Variants in CALCR observed in about 807,000 individuals in gnomAD.
The protein encoded by CALCR is calcitonin receptor.
Under a neutral mutation model 59.5 loss-of-function variants are expected in CALCR, and 47 were observed. The ratio of observed to expected loss-of-function variants is 0.79; its 90% CI spans 0.63 to 1.01. The LOEUF (loss-of-function observed/expected upper bound fraction) is 1.01, where lower values mean the gene tolerates loss of function less well. Among genes scored for constraint, CALCR ranks in the 50% least tolerant of loss-of-function variants. CALCR has a pLI of 0.00. For missense variants in CALCR, 566 were observed against 597.1 expected (o/e 0.95, Z 0.54); for synonymous variants, 213 against 211.3 (o/e 1.01, Z -0.07).
In CALCR at chr7:93,483,462, CAGAT is replaced by C. The variant is rs974831305; in HGVS notation, c.51+3465_51+3468del. On this transcript the variant is annotated intron_variant, in intron 3 of 13. Coordinates refer to ENST00000426151, the MANE Select transcript of CALCR (RefSeq NM_001742.4). ...ATAGATAGATAGATAGATAGACAGA[CAGAT>C]AGATAGATATAAACATATAAATATA... 5.2e-4 allele frequency among the ~76,000 whole-genome samples: 72 copies of C among 138,964 alleles called. 1 individual carries two copies. In the East Asian group the frequency reaches 6.1e-3, roughly 12 times the overall value. 91.2% of individuals were successfully genotyped at this position (138,964 alleles called of 152,430 possible).
chr7:93,493,213 C>CT (rs1186853992), intron 2 of CALCR, among the ~76,000 whole-genome samples: 2 of 151,288 alleles, frequency 1.3e-5, no homozygotes, highest in Admixed American at 6.6e-5. Flanking sequence ...ATGATGGTGG[C>CT]TTGTGATCTA....
chr7:93,477,277 C>T (rs1387546416), intron 5 of CALCR, among the ~76,000 whole-genome samples: 1 of 151,710 alleles, frequency 6.6e-6, no homozygotes, highest in Non-Finnish European at 1.5e-5. Context: ...TTTTAAAACT[C>T]ACATTTAAAT....
At chr7:93,494,058 G>C (rs1562995871) in intron 2 of CALCR, among the ~76,000 whole-genome samples, 1 of 151,350 alleles carries the variant, frequency 6.6e-6, no homozygotes, top group African/African-American at 2.4e-5. Flanking sequence ...AGAGAAGAAG[G>C]ATATGTAGAA....
chr7:93,507,634 G>A (rs185615041), intron 2 of CALCR, among the ~76,000 whole-genome samples: 31 of 151,224 alleles, frequency 2.0e-4, no homozygotes, highest in African/African-American at 7.3e-4. Flanking sequence ...AAGGTCAGGC[G>A]CAGTGTCTCA....
intron 2 of CALCR, among the ~76,000 whole-genome samples, chr7:93,490,726 A>G (rs1801055383): frequency 6.6e-6 from 1 of 152,022 alleles, no homozygotes; most frequent in Non-Finnish European, 1.5e-5. Context: ...TTCAAGGAGA[A>G]CTACAAATCA....
intron 8 of CALCR, among the ~76,000 whole-genome samples, chr7:93,445,041 T>G (rs1799982981): frequency 6.6e-6 from 1 of 152,036 alleles, no homozygotes; most frequent in South Asian, 2.1e-4. Flanking sequence ...TTATTGAACA[T>G]AGGGAAAAGC....
At chr7:93,560,569 A>G (rs1454705586) in intron 2 of CALCR, among the ~76,000 whole-genome samples, 1 of 152,002 alleles carries the variant, frequency 6.6e-6, no homozygotes, top group African/African-American at 2.4e-5. Flanking sequence ...AATTTATACT[A>G]TTTGTTCTAA....
chr7:93,546,942 T>C (rs1227401476), intron 2 of CALCR, among the ~76,000 whole-genome samples: 7 of 152,136 alleles, frequency 4.6e-5, no homozygotes, highest in Non-Finnish European at 1.5e-5. Context: ...GATAAACTGC[T>C]GTGTATGCCT....
At position 93,467,943 on chromosome 7, in the gene CALCR, TA is replaced by T. The variant is rs957251231; in HGVS notation, c.521+771del. On this transcript the variant is annotated intron_variant, in intron 7 of 13. Coordinates refer to ENST00000426151, the MANE Select transcript of CALCR (RefSeq NM_001742.4). ...CATTTTTACTGAACCGTGGTGTGTC[TA>T]AAAAAAAAATACACATACAGTTTAC... 2.7e-3 allele frequency among the ~76,000 whole-genome samples: 405 copies of T among 148,648 alleles called. 3 individuals carry two copies. The highest frequency in any genetic ancestry group is 8.6e-3 in the African/African-American group (350 of 40,762).
chr7:93,568,590 T>A (rs1479377592), intron 2 of CALCR, among the ~76,000 whole-genome samples: 1 of 149,930 alleles, frequency 6.7e-6, no homozygotes, highest in African/African-American at 2.5e-5. Context: ...CTCTGTCTTT[T>A]TTTTGCAGGA....
intron 2 of CALCR, among the ~76,000 whole-genome samples, chr7:93,546,477 C>T (rs749939564): frequency 3.9e-5 from 6 of 152,082 alleles, no homozygotes; most frequent in Admixed American, 6.5e-5. Flanking sequence ...GGAAGTCAAA[C>T]CCAGACTGTC....
chr7:93,452,280 C>T (rs1224274093), intron 8 of CALCR, among the ~76,000 whole-genome samples: 2 of 151,950 alleles, frequency 1.3e-5, no homozygotes, highest in Non-Finnish European at 2.9e-5. Flanking sequence ...GTTGTAAACT[C>T]CTGTTGCAGT....
At chr7:93,490,032 C>G in intron 2 of CALCR, among the ~76,000 whole-genome samples, 1 of 151,920 alleles carries the variant, frequency 6.6e-6, no homozygotes, top group Non-Finnish European at 1.5e-5. Context: ...CAAACTGAAT[C>G]CAGGAGGACA....
At chr7:93,454,778 G>A (rs1800175953) in intron 8 of CALCR, among the ~76,000 whole-genome samples, 2 of 151,802 alleles carry the variant, frequency 1.3e-5, no homozygotes, top group Admixed American at 6.6e-5. Context: ...AAAGAACATG[G>A]AAGGAATAAG....
At chr7:93,462,902 G>A (rs1800367587) in intron 7 of CALCR, among the ~76,000 whole-genome samples, 1 of 151,900 alleles carries the variant, frequency 6.6e-6, no homozygotes, top group African/African-American at 2.4e-5. Context: ...TTTATTGCCT[G>A]TTATTCTCTC....
rs1024021450 is a variant in CALCR, at chr7:93,425,247, G to A, written c.*1109C>T. 1.3e-5 allele frequency: 2 copies of A among 152,542 alleles called. No homozygotes were observed. Among genetic ancestry groups the A allele is most frequent in the Admixed American group, 6.5e-5 (1 of 15,276 alleles). The allele number at this position is 152,542 out of a possible 1,614,324, so 9.4% of individuals were successfully genotyped here. A position where few individuals can be genotyped will look rare whatever the true frequency, so the allele number is the denominator to read the frequency against. ...GGAGCAGTTAATTTTTTCCCCTCCTGTTTTGGTAATAACAAGAAACAAGCG... is the reference window on the plus strand; with the variant it reads ...GGAGCAGTTAATTTTTTCCCCTCCTATTTTGGTAATAACAAGAAACAAGCG... On this transcript the variant is annotated 3_prime_UTR_variant, in exon 14 of 14. Transcript: ENST00000426151.
intron 8 of CALCR, among the ~76,000 whole-genome samples, chr7:93,450,923 G>A (rs1800095924): frequency 6.6e-6 from 1 of 151,814 alleles, no homozygotes; most frequent in African/African-American, 2.4e-5. Context: ...TTCAAAAAGT[G>A]GTCTTATATG....
intron 8 of CALCR, among the ~76,000 whole-genome samples, chr7:93,456,028 T>C (rs1389001930): frequency 6.6e-6 from 1 of 152,102 alleles, no homozygotes; most frequent in Non-Finnish European, 1.5e-5. Context: ...ATATGGAGGA[T>C]TAGATAAGAG....
intron 2 of CALCR, among the ~76,000 whole-genome samples, chr7:93,539,527 G>A (rs1235664166): frequency 2.6e-5 from 4 of 152,040 alleles, no homozygotes; most frequent in South Asian, 4.2e-4. Flanking sequence ...CTCTCCTTAT[G>A]AGTCTCTGAC....
Sources: gnomAD v4.1 joint callset for allele counts (sites outside exome capture counted in the v4.1 genomes callset) on GRCh38, gnomAD v4.1.1 for gene constraint, MANE v1.5 for transcripts, NCBI Gene and HGNC (gene_info 2026-07-23, HGNC 2026-07-21) for gene names.